Variants in WDSUB1 observed in about 807,000 individuals in gnomAD.
The protein encoded by WDSUB1 is WD repeat, sterile alpha motif and U-box domain containing 1.
In WDSUB1, 49 loss-of-function variants were observed where a neutral mutation model predicts 53.9. The observed-to-expected ratio is 0.91, with a 90% CI of 0.72 to 1.15. WDSUB1 has a LOEUF of 1.15. Among genes scored for constraint, WDSUB1 ranks in the 50% most tolerant of loss-of-function variants. The pLI is 0.00. For missense variants in WDSUB1, 514 were observed against 562.0 expected (o/e 0.91, Z 0.86); for synonymous variants, 194 against 200.6 (o/e 0.97, Z 0.28).
chr2:159,257,715 G>A (rs1559543185), intron 8 of WDSUB1, 43 bp downstream of exon 8: 1 of 1,541,110 alleles, frequency 6.5e-7, no homozygotes, highest in Non-Finnish European at 9.0e-7. Context: ...GACCCTAATG[G>A]TGAGTGGGGT....
intron 10 of WDSUB1, among the ~76,000 whole-genome samples, chr2:159,243,425 A>AT (rs986249767): frequency 2.0e-5 from 3 of 147,008 alleles, no homozygotes; most frequent in Non-Finnish European, 4.4e-5. Context: ...ACACACACAG[A>AT]TAAGTACAAG....
chr2:159,253,303 A>G (rs1199217040), intron 9 of WDSUB1, among the ~76,000 whole-genome samples: 3 of 152,208 alleles, frequency 2.0e-5, no homozygotes, highest in African/African-American at 7.2e-5. Context: ...TCCTTATCCA[A>G]ATATAGTTCT....
intron 1 of WDSUB1, among the ~76,000 whole-genome samples, chr2:159,285,573 G>A (rs2061774397): frequency 1.3e-5 from 2 of 152,082 alleles, no homozygotes; most frequent in Admixed American, 1.3e-4. Flanking sequence ...GGGTGTGGTG[G>A]CGAGCACCTG....
chr2:159,277,146 T>C (rs187258915), intron 3 of WDSUB1, among the ~76,000 whole-genome samples: 1 of 152,342 alleles, frequency 6.6e-6, no homozygotes, highest in East Asian at 1.9e-4. Context: ...AACACTTTAC[T>C]AACGAACAAC....
intron 5 of WDSUB1, among the ~76,000 whole-genome samples, chr2:159,268,470 T>A (rs1246066956): frequency 6.6e-6 from 1 of 152,162 alleles, no homozygotes; most frequent in East Asian, 1.9e-4. Context: ...ACATCTACAA[T>A]AATGACAACA....
chr2:159,236,380 C>T (rs13408724), intron 10 of WDSUB1, among the ~76,000 whole-genome samples, 190 bp from the exon 11 acceptor site: 12,659 of 152,076 alleles, frequency 0.083, 1,169 homozygotes, highest in African/African-American at 0.22. Context: ...TGGATGGAGA[C>T]GTATGAAGCA....
At chr2:159,259,661 G>GT in intron 6 of WDSUB1, 149 bp downstream of exon 6, 2 of 844,674 alleles carry the variant, frequency 2.4e-6, no homozygotes, top group Non-Finnish European at 3.5e-6. Flanking sequence ...TCTTACTTGC[G>GT]TAACTATTTT....
chr2:159,246,293 G>T lies in WDSUB1; in HGVS notation c.1273+2079C>A, dbSNP rs535115243. Among the ~76,000 whole-genome samples, 3 of 151,982 alleles carry T rather than the reference G, an allele frequency of 2.0e-5. No homozygotes were observed. The South Asian group carries it at 6.2e-4, about 32-fold the overall frequency. ...TAAAAATACAAAAAATTAGCCGGGC[G>T]TGGTGGTGGGTGCCTGTAGTCCCAG... On this transcript the variant is annotated intron_variant, in intron 10 of 10. Transcript: ENST00000359774.
At chr2:159,251,294 A>T (rs1365492199) in intron 9 of WDSUB1, among the ~76,000 whole-genome samples, 1 of 151,962 alleles carries the variant, frequency 6.6e-6, no homozygotes, top group Non-Finnish European at 1.5e-5. Flanking sequence ...AGAAAAAAAT[A>T]TAGGAGCAAC....
chr2:159,284,238 C>T (rs758862050), intron 1 of WDSUB1, among the ~76,000 whole-genome samples: 1 of 152,326 alleles, frequency 6.6e-6, no homozygotes, highest in South Asian at 2.1e-4. Flanking sequence ...ATTTCCACAA[C>T]TCCTCAAAAA....
Position 159,256,379 on chromosome 2 carries a change from A to G in WDSUB1, c.953-4T>C, listed in dbSNP as rs746694208. ...AGCTGATGTTCTGTGCGCCTTGCTTAAAATAAACAAACAAGTAAGTGAGAT... is the reference window on the plus strand; with the variant it reads ...AGCTGATGTTCTGTGCGCCTTGCTTGAAATAAACAAACAAGTAAGTGAGAT... On this transcript the variant is annotated splice_polypyrimidine_tract_variant and splice_region_variant and intron_variant, in intron 8 of 10. Coordinates refer to ENST00000359774, the MANE Select transcript of WDSUB1 (RefSeq NM_001128212.3). 1.2e-6 allele frequency: 2 copies of G among 1,602,474 alleles called. No homozygotes were observed. Among genetic ancestry groups the G allele is most frequent in the African/African-American group, 2.7e-5 (2 of 74,316 alleles).
In WDSUB1 at chr2:159,282,776, G is replaced by A. The variant is rs75346166; in HGVS notation, c.294C>T (p.Ser98=). ...GGGAAAACTGGCAAACCCTCACAGG[G>A]CTGCCACTAGGCTGTTCCATCACTG... ...MLAVMEQPSG[S]PVRVCQFSPD... is the part of the protein sequence containing the mutation. Residue 98 remains serine, a synonymous_variant, in exon 2 of 11, where the codon AGC becomes AGT. Transcript: ENST00000359774. 1.2e-6 allele frequency: 2 copies of A among 1,613,704 alleles called. No homozygotes were observed. Among genetic ancestry groups the A allele is most frequent in the East Asian group, 2.2e-5 (1 of 44,880 alleles).
intron 10 of WDSUB1, among the ~76,000 whole-genome samples, chr2:159,245,894 G>A (rs368934159): frequency 5.3e-5 from 8 of 152,164 alleles, no homozygotes; most frequent in East Asian, 3.9e-4. Flanking sequence ...AATTAAAAAC[G>A]TTGTCTCTAT....
chr2:159,242,090 G>A lies in WDSUB1; in HGVS notation c.1274-5900C>T, dbSNP rs1446672961. Among the ~76,000 whole-genome samples the A allele has an allele frequency of 1.2e-4, 18 of 145,850 alleles. 1 individual carries two copies. The highest frequency in any genetic ancestry group is 2.7e-4 in the African/African-American group (10 of 37,008). On this transcript the variant is annotated intron_variant, in intron 10 of 10. Transcript: ENST00000359774. ...TTTAGAGATGGAGTCTCGCTCTGTC[G>A]CCCAGGCTGGAGTGCAGTGGCACGA...
Position 159,243,266 on chromosome 2 carries a change from G to T in WDSUB1, c.1273+5106C>A, listed in dbSNP as rs1575428873. Among the ~76,000 whole-genome samples, 2 of 147,744 alleles carry T rather than the reference G, an allele frequency of 1.4e-5. 1 individual carries two copies. Among genetic ancestry groups the T allele is most frequent in the East Asian group, 4.2e-4 (2 of 4,788 alleles). ...ATGATTCCACTGATATACCATTTTT[G>T]AAATGGTGGACAAATTAGTGGTTTC... On this transcript the variant is annotated intron_variant, in intron 10 of 10. Transcript: ENST00000359774.
intron 1 of WDSUB1, among the ~76,000 whole-genome samples, chr2:159,283,975 C>T (rs556414303): frequency 1.4e-4 from 21 of 152,276 alleles, no homozygotes; most frequent in South Asian, 6.2e-4. Flanking sequence ...CCACCACGCC[C>T]GGCTAATTTT....
intron 3 of WDSUB1, 44 bp from the exon 4 acceptor site, chr2:159,275,682 G>A (rs1451336752): frequency 1.4e-6 from 2 of 1,410,512 alleles, no homozygotes; most frequent in African/African-American, 1.7e-5. Flanking sequence ...GTAAAACACT[G>A]AAACCCCCCC....
rs376924453 is a variant in WDSUB1 at position 159,250,314 on chromosome 2, AT to A, written c.1133-1803del. 4.9e-3 allele frequency among the ~76,000 whole-genome samples: 748 copies of A among 152,154 alleles called. 6 individuals are homozygous for A. Among genetic ancestry groups the A allele is most frequent in the African/African-American group, 0.017 (689 of 41,504 alleles). On this transcript the variant is annotated intron_variant, in intron 9 of 10. Coordinates refer to ENST00000359774, the MANE Select transcript of WDSUB1 (RefSeq NM_001128212.3). ...AATGAAACTGAGGATTTTTAAAACA[AT>A]TTTTTTTAAAGTGTCACAAACAAAT... is the stretch of plus-strand genomic sequence containing the variant.
At position 159,248,381 on chromosome 2, in the gene WDSUB1, T is replaced by C. The variant is rs148273162; in HGVS notation, c.1264A>G (p.Ile422Val). 150 of 1,611,824 alleles carry C rather than the reference T, an allele frequency of 9.3e-5. No homozygotes were observed. The highest frequency in any genetic ancestry group is 1.2e-4 in the Non-Finnish European group (144 of 1,179,310). Residue 422 changes from isoleucine to valine, a missense_variant, in exon 10 of 11, where the codon ATC becomes GTC. Ile to Val is a conservative substitution (Grantham distance 29). Coordinates refer to ENST00000359774, the MANE Select transcript of WDSUB1 (RefSeq NM_001128212.3). ...ATAGCATCACACATACCTGATGCGA[T>C]GACCGGATCTTTCATAAGTTCTCTA... ...ITRELMKDPV[I>V]ASDGYSYEKE...
Sources: gnomAD v4.1 joint callset for allele counts (sites outside exome capture counted in the v4.1 genomes callset) on GRCh38, gnomAD v4.1.1 for gene constraint, MANE v1.5 for transcripts, NCBI Gene and HGNC (gene_info 2026-07-23, HGNC 2026-07-21) for gene names.